LRFN5: variants seen among roughly 807,000 people sequenced by gnomAD.
LRFN5 encodes leucine rich repeat and fibronectin type III domain containing 5, also known as leucine-rich repeat and fibronectin type-III domain-containing protein 5.
Under a neutral mutation model 45.6 loss-of-function variants are expected in LRFN5, and 24 were observed. That is an observed-to-expected ratio of 0.53 (90% CI 0.38 to 0.74). The LOEUF is 0.74. Ranked by LOEUF, LRFN5 falls within the 30% of genes least tolerant of loss-of-function variation. The probability of loss-of-function intolerance (pLI) is 0.00; values close to 1 mark genes in which losing one functional copy is unlikely to be tolerated. For synonymous variants in LRFN5, 340 were observed against 313.8 expected, an observed-to-expected ratio of 1.08 and a Z score of -0.88; for missense variants, 776 against 861.5, an observed-to-expected ratio of 0.90 and a Z score of 1.24.
intron 1 of LRFN5, among the ~76,000 whole-genome samples, chr14:41,673,141 C>G (rs983772428): frequency 2.0e-5 from 3 of 152,070 alleles, no homozygotes; most frequent in Admixed American, 6.5e-5. Context: ...GGCAACCATC[C>G]GATTTCTCAA....
At chr14:41,772,006 A>C (rs1886107055) in intron 2 of LRFN5, among the ~76,000 whole-genome samples, 2 of 152,210 alleles carry the variant, frequency 1.3e-5, no homozygotes, top group South Asian at 4.1e-4. Flanking sequence ...AGGCTGTAGG[A>C]AGTATGGCGT....
chr14:41,888,066 T>C, intron 3 of LRFN5, 56 bp downstream of exon 3: 1 of 1,361,632 alleles, frequency 7.3e-7, no homozygotes, highest in South Asian at 1.4e-5. Context: ...GTAGAATTTG[T>C]TAATGTACTA....
rs533701966 is a variant in LRFN5 at position 41,678,888 on chromosome 14, C to T, written c.-197+70326C>T. 5.3e-5 allele frequency among the ~76,000 whole-genome samples: 8 copies of T among 152,286 alleles called. No individual in the cohort carries two copies. In the East Asian group the frequency reaches 1.4e-3, roughly 26 times the overall value. On this transcript the variant is annotated intron_variant, in intron 1 of 5. Coordinates refer to ENST00000298119, the MANE Select transcript of LRFN5 (RefSeq NM_152447.5). ...AGTCTTGAATCACCTACACACACCT[C>T]CCCCATCTTCTTGCAACAGTCTCAC...
chr14:41,800,576 A>G lies in LRFN5; in HGVS notation c.-21+33547A>G, dbSNP rs1486022734. Among the ~76,000 whole-genome samples the G allele has an allele frequency of 7.2e-5, 11 of 151,980 alleles. No individual in the cohort carries two copies. The East Asian group carries it at 9.7e-4, about 13-fold the overall frequency. The stretch of plus-strand genomic sequence containing the variant: ...CAGTAGAGATATAGGCAAAAAACTC[A>G]TTACTACTTTATTTAATATGAATTC... On this transcript the variant is annotated intron_variant, in intron 2 of 5. Transcript: ENST00000298119.
At chr14:41,843,079 G>GTTTTTTTTTTTT (rs1888919403) in intron 2 of LRFN5, among the ~76,000 whole-genome samples, 1 of 134,032 alleles carries the variant, frequency 7.5e-6, no homozygotes, top group African/African-American at 2.8e-5. Context: ...TTTTCTTTTT[G>GTTTTTTTTTTTT]TCTTTTCTTT....
intron 2 of LRFN5, among the ~76,000 whole-genome samples, chr14:41,786,544 T>G (rs1886727236): frequency 5.6e-5 from 1 of 17,970 alleles, no homozygotes; most frequent in Non-Finnish European, 1.3e-4. Context: ...TCTTTATGAG[T>G]TTTTTTTTTT....
chr14:41,901,404 G>A (rs530584080), intron 5 of LRFN5, among the ~76,000 whole-genome samples: 75 of 149,190 alleles, frequency 5.0e-4, no homozygotes, highest in Middle Eastern at 6.8e-3. Context: ...ACTGTTTGCT[G>A]TTTTCTGACC....
chr14:41,847,607 A>G (rs966558094), intron 2 of LRFN5, among the ~76,000 whole-genome samples: 2 of 152,024 alleles, frequency 1.3e-5, no homozygotes, highest in Non-Finnish European at 2.9e-5. Context: ...ATCGTTTGAT[A>G]TGTGTTTTTT....
chr14:41,789,999 G>A, intron 2 of LRFN5, among the ~76,000 whole-genome samples: 1 of 151,872 alleles, frequency 6.6e-6, no homozygotes, highest in East Asian at 1.9e-4. Flanking sequence ...CTTTAGGAGT[G>A]TTAGTGTATA....
intron 1 of LRFN5, among the ~76,000 whole-genome samples, chr14:41,722,212 A>T (rs1194148102): frequency 6.6e-6 from 1 of 152,060 alleles, no homozygotes; most frequent in African/African-American, 2.4e-5. Context: ...CAATTTCAGA[A>T]ATTCTGATTG....
At chr14:41,702,144 A>G (rs1002826225) in intron 1 of LRFN5, among the ~76,000 whole-genome samples, 3 of 152,174 alleles carry the variant, frequency 2.0e-5, no homozygotes, top group Admixed American at 1.3e-4. Context: ...TTTAAATAAA[A>G]TCCTGCTAAT....
chr14:41,785,849 A>G (rs1018429554), intron 2 of LRFN5, among the ~76,000 whole-genome samples: 2 of 152,034 alleles, frequency 1.3e-5, no homozygotes, highest in East Asian at 3.9e-4. Flanking sequence ...TGGGGTTCAC[A>G]CCCCTATGAG....
intron 2 of LRFN5, among the ~76,000 whole-genome samples, chr14:41,795,440 G>T (rs1887085889): frequency 6.6e-6 from 1 of 152,162 alleles, no homozygotes; most frequent in East Asian, 1.9e-4. Flanking sequence ...TATACCCAAA[G>T]GATTATAAAT....
At chr14:41,768,946 G>C (rs559567797) in intron 2 of LRFN5, among the ~76,000 whole-genome samples, 3 of 152,062 alleles carry the variant, frequency 2.0e-5, no homozygotes, top group South Asian at 4.1e-4. Context: ...TGTTGAAAAA[G>C]ACTCTTCCAA....
At chr14:41,742,495 A>G (rs61291604) in intron 1 of LRFN5, 12 of 152,136 alleles carry the variant, frequency 7.9e-5, no homozygotes, top group African/African-American at 2.7e-4. Context: ...AAAAAACTTG[A>G]TATCATCCTA....
intron 1 of LRFN5, among the ~76,000 whole-genome samples, chr14:41,631,000 C>A (rs371961871): frequency 6.6e-6 from 1 of 152,064 alleles, no homozygotes; most frequent in Non-Finnish European, 1.5e-5. Context: ...TTTTAATCCT[C>A]CCTCTTTTAA....
intron 2 of LRFN5, among the ~76,000 whole-genome samples, chr14:41,833,868 T>G (rs576291780): frequency 3.9e-5 from 6 of 152,324 alleles, no homozygotes; most frequent in African/African-American, 1.4e-4. Context: ...CTACTGAATC[T>G]CTGAGAACAC....
chr14:41,860,879 C>A (rs765922533), intron 2 of LRFN5, among the ~76,000 whole-genome samples: 34 of 152,236 alleles, frequency 2.2e-4, no homozygotes, highest in Non-Finnish European at 4.1e-4. Context: ...CAAAATGAAA[C>A]CTCTGCAAAT....
chr14:41,746,299 CTA>C (rs544816842), intron 1 of LRFN5, among the ~76,000 whole-genome samples: 9 of 151,988 alleles, frequency 5.9e-5, no homozygotes, highest in Non-Finnish European at 1.3e-4. Flanking sequence ...ACAAAATTCA[CTA>C]TCTTTTCCTG....
Sources: allele counts gnomAD v4.1 joint callset (sites outside exome capture counted in the v4.1 genomes callset), GRCh38; gene constraint gnomAD v4.1.1; transcripts MANE v1.5; gene names NCBI Gene and HGNC (gene_info 2026-07-23, HGNC 2026-07-21).